The following SNX29 variants were observed in gnomAD, a reference collection of about 807,000 sequenced individuals.
The protein encoded by SNX29 is sorting nexin 29.
A neutral mutation model predicts 102.1 loss-of-function variants in SNX29; 78 were observed. The ratio of observed to expected loss-of-function variants is 0.76; its 90% CI spans 0.64 to 0.92. The LOEUF is 0.92. Ranked by LOEUF, SNX29 falls within the 40% of genes least tolerant of loss-of-function variation. The probability of loss-of-function intolerance (pLI) is 0.00; values close to 1 mark genes in which losing one functional copy is unlikely to be tolerated. For synonymous variants in SNX29, 580 were observed against 414.5 expected (o/e 1.40, Z -4.85); for missense variants, 1,280 against 1,061.7 (o/e 1.21, Z -2.86).
At chr16:12,057,738 G>A (rs1008411675) in intron 8 of SNX29, among the ~76,000 whole-genome samples, 3 of 151,790 alleles carry the variant, frequency 2.0e-5, no homozygotes, top group African/African-American at 7.3e-5. Context: ...CATCTCAAAT[G>A]ATGTTTAAGA....
At chr16:12,298,988 T>C (rs547694338) in intron 15 of SNX29, among the ~76,000 whole-genome samples, 1 of 135,254 alleles carries the variant, frequency 7.4e-6, no homozygotes, top group African/African-American at 3.2e-5. Context: ...AGAGGACCAA[T>C]GAGTCTTTAA....
rs16959088 is a variant in SNX29 at position 12,249,804 on chromosome 16, A to C, written c.1679-28129A>C. 8.1e-3 allele frequency among the ~76,000 whole-genome samples: 1,241 copies of C among 152,350 alleles called. 22 individuals are homozygous for C. The highest frequency in any genetic ancestry group is 0.027 in the African/African-American group (1,135 of 41,590). On this transcript the variant is annotated intron_variant, in intron 14 of 20. Transcript: ENST00000566228. ...CACTGTATACGCTACTGGGTGACCA[A>C]AACCCACCTGTGTGCTGAGCTGTCC...
chr16:12,431,519 G>C (rs1015152492), intron 18 of SNX29, among the ~76,000 whole-genome samples: 1 of 146,284 alleles, frequency 6.8e-6, no homozygotes, highest in South Asian at 2.1e-4. Flanking sequence ...CTCCTGCTCT[G>C]TGGTCTAATG....
At chr16:12,201,526 A>G (rs1199477308) in intron 14 of SNX29, among the ~76,000 whole-genome samples, 1 of 152,198 alleles carries the variant, frequency 6.6e-6, no homozygotes, top group Non-Finnish European at 1.5e-5. Context: ...TGTGGTGGAA[A>G]TGAACTCACG....
intron 3 of SNX29, among the ~76,000 whole-genome samples, chr16:12,020,298 T>A (rs1371209667): frequency 2.6e-5 from 4 of 152,088 alleles, no homozygotes; most frequent in South Asian, 2.1e-4. Context: ...CTAATTTTTT[T>A]ATTTTTTGTA....
intron 15 of SNX29, among the ~76,000 whole-genome samples, chr16:12,299,348 C>G (rs1392627845): frequency 1.3e-5 from 2 of 152,078 alleles, no homozygotes; most frequent in African/African-American, 4.8e-5. Context: ...TTGATGTTTT[C>G]CAGTTCATCA....
At chr16:12,189,735 C>T (rs2076596304) in intron 13 of SNX29, among the ~76,000 whole-genome samples, 1 of 151,990 alleles carries the variant, frequency 6.6e-6, no homozygotes, top group African/African-American at 2.4e-5. Flanking sequence ...CTATTTTATT[C>T]AGCTTATAAT....
chr16:12,299,857 G>A (rs2080107926), intron 15 of SNX29, among the ~76,000 whole-genome samples: 1 of 147,530 alleles, frequency 6.8e-6, no homozygotes, highest in Admixed American at 6.8e-5. Flanking sequence ...ATCTCTTAAT[G>A]GCATAAATAA....
chr16:12,009,455 A>G (rs1016265384), intron 3 of SNX29, among the ~76,000 whole-genome samples: 2 of 116,066 alleles, frequency 1.7e-5, no homozygotes, highest in Admixed American at 8.5e-5. Flanking sequence ...GTGTGTGTGT[A>G]TATATGTGTG....
chr16:12,535,278 A>G (rs757865026), intron 20 of SNX29, among the ~76,000 whole-genome samples: 10 of 152,178 alleles, frequency 6.6e-5, no homozygotes, highest in East Asian at 1.9e-4. Context: ...AGCTGGGATT[A>G]CAGGCATGTG....
At chr16:12,013,543 C>CGAGAGA (rs1433909955) in intron 3 of SNX29, among the ~76,000 whole-genome samples, 3 of 61,876 alleles carry the variant, frequency 4.8e-5, no homozygotes, top group African/African-American at 1.6e-4. Flanking sequence ...ATATATATAT[C>CGAGAGA]GAGAGAGGAG....
chr16:12,568,907 C>G lies in SNX29; in HGVS notation c.*278C>G, dbSNP rs551973309. The G allele has an allele frequency of 6.1e-5, 29 of 472,644 alleles. No individual in the cohort carries two copies. The highest frequency in any genetic ancestry group is 3.4e-4 in the South Asian group (11 of 32,544). The allele number at this position is 472,644 out of a possible 1,614,324, so 29.3% of individuals were successfully genotyped here. Reference sequence around the variant, plus strand: ...CTACCCTGGGCTGCAAGGGCTGTTCCTCCACCTTTCTGTAGTTCAGGGCTG... The same window carrying G: ...CTACCCTGGGCTGCAAGGGCTGTTCGTCCACCTTTCTGTAGTTCAGGGCTG... On this transcript the variant is annotated 3_prime_UTR_variant, in exon 21 of 21. Coordinates refer to ENST00000566228, the MANE Select transcript of SNX29 (RefSeq NM_032167.5).
rs563190625 is a variant in SNX29, at chr16:12,526,753, G to A, written c.2318+1912G>A. 13 of 437,262 alleles carry A rather than the reference G, an allele frequency of 3.0e-5. 1 individual carries two copies. The highest frequency in any genetic ancestry group is 2.1e-4 in the East Asian group (5 of 24,028). The allele number at this position is 437,262 out of a possible 1,614,324, so 27.1% of individuals were successfully genotyped here. A position where few individuals can be genotyped will look rare whatever the true frequency, so the allele number is the denominator to read the frequency against. ...GATGCTGAGAGTGTGAGCAGGAGGC[G>A]CTGCCCCATCCGCAAGTCAGTGTCC... On this transcript the variant is annotated intron_variant, in intron 20 of 20. Coordinates refer to ENST00000566228, the MANE Select transcript of SNX29 (RefSeq NM_032167.5).
chr16:12,241,940 G>T (rs1208832689), intron 14 of SNX29, among the ~76,000 whole-genome samples: 1 of 152,166 alleles, frequency 6.6e-6, no homozygotes, highest in Admixed American at 6.5e-5. Flanking sequence ...CCAGGAGGCT[G>T]TGCTCAGGTT....
At chr16:12,447,165 C>CAAAAAAA (rs59942122) in intron 18 of SNX29, among the ~76,000 whole-genome samples, 7 of 43,908 alleles carry the variant, frequency 1.6e-4, no homozygotes, top group East Asian at 1.0e-3. Flanking sequence ...GACTCTGTCT[C>CAAAAAAA]AAAAAAAAAA....
At chr16:12,276,028 G>A (rs904322278) in intron 14 of SNX29, among the ~76,000 whole-genome samples, 1 of 151,806 alleles carries the variant, frequency 6.6e-6, no homozygotes, top group African/African-American at 2.4e-5. Flanking sequence ...GAGTAGCTGG[G>A]ATTGCAGGAG....
At chr16:12,068,325 A>G (rs926267864) in intron 9 of SNX29, among the ~76,000 whole-genome samples, 2 of 151,974 alleles carry the variant, frequency 1.3e-5, no homozygotes, top group Admixed American at 1.3e-4. Context: ...AAAAAAAAAT[A>G]AAAAATAAAT....
At chr16:12,366,173 G>C (rs2082473527) in intron 16 of SNX29, among the ~76,000 whole-genome samples, 1 of 151,778 alleles carries the variant, frequency 6.6e-6, no homozygotes. Context: ...TGTTGGATTA[G>C]AGATAGTTTG....
Position 12,570,215 on chromosome 16 carries a change from C to G in SNX29, c.*1586C>G, listed in dbSNP as rs1314185709. On this transcript the variant is annotated 3_prime_UTR_variant, in exon 21 of 21. Coordinates refer to ENST00000566228, the MANE Select transcript of SNX29 (RefSeq NM_032167.5). ...ACATGACTTCCAAGGGGACCTGGGG[C>G]CAGATAAGCCCTGCCCCGGTGAGAC... 1.9e-6 allele frequency: 2 copies of G among 1,064,976 alleles called. No homozygotes were observed. Among genetic ancestry groups the G allele is most frequent in the Admixed American group, 1.1e-4 (2 of 18,714 alleles). 66.0% of individuals were successfully genotyped at this position (1,064,976 alleles called of 1,614,324 possible).
Sources: allele counts gnomAD v4.1 joint callset (sites outside exome capture counted in the v4.1 genomes callset), GRCh38; gene constraint gnomAD v4.1.1; transcripts MANE v1.5; gene names NCBI Gene and HGNC (gene_info 2026-07-23, HGNC 2026-07-21).